PLCH1: variants seen among roughly 807,000 people sequenced by gnomAD.
PLCH1 encodes the protein phospholipase C eta 1.
PLCH1 carries 60 observed loss-of-function variants against 126.7 expected under a neutral mutation model. The ratio of observed to expected loss-of-function variants is 0.47; its 90% CI spans 0.38 to 0.59. The LOEUF is 0.59. PLCH1 is among the 20% of genes least tolerant of loss of function. The pLI is 0.00. For missense variants in PLCH1, 1,723 were observed against 2,040.0 expected (o/e 0.84, Z 2.99); for synonymous variants, 719 against 734.9 (o/e 0.98, Z 0.35).
In PLCH1 at chr3:155,549,947, A is replaced by G. The variant is rs753071798; in HGVS notation, c.1202T>C (p.Ile401Thr). 2.5e-5 allele frequency: 40 copies of G among 1,613,490 alleles called. No individual in the cohort carries two copies. Among genetic ancestry groups the G allele is most frequent in the African/African-American group, 8.0e-5 (6 of 74,922 alleles). ...HAFVKNEFPV[I>T]LSIENHCSIQ... Reference sequence around the variant, plus strand: ...ACTGCAGTGATTCTCGATAGACAATATAACAGGAAACCTGAGAAAAGAGCA... The same window carrying G: ...ACTGCAGTGATTCTCGATAGACAATGTAACAGGAAACCTGAGAAAAGAGCA... Residue 401 changes from isoleucine to threonine, a missense_variant, in exon 10 of 23, where the codon ATA becomes ACA. Around this residue, in one of 2 missense-constraint regions of PLCH1, gnomAD observed 776 missense variants for 1,062.9 expected, o/e 0.73. Coordinates refer to ENST00000460012, the MANE Select transcript of PLCH1 (RefSeq NM_014996.4).
At chr3:155,606,831 A>G (rs925038614) in intron 2 of PLCH1, among the ~76,000 whole-genome samples, 2 of 152,200 alleles carry the variant, frequency 1.3e-5, no homozygotes, top group African/African-American at 4.8e-5. Flanking sequence ...CCCAACTTTT[A>G]GAGAACCTAG....
chr3:155,713,578 A>C (rs184980357), intron 1 of PLCH1, among the ~76,000 whole-genome samples: 1 of 152,328 alleles, frequency 6.6e-6, no homozygotes, highest in East Asian at 1.9e-4. Context: ...CAGAAATTAA[A>C]ATGTAATGCA....
chr3:155,737,172 C>T (rs1749253464), intron 1 of PLCH1, among the ~76,000 whole-genome samples: 1 of 128,468 alleles, frequency 7.8e-6, no homozygotes, highest in Non-Finnish European at 1.6e-5. Context: ...GCGGAGGTTG[C>T]AGTGAGCCGA....
intron 2 of PLCH1, among the ~76,000 whole-genome samples, chr3:155,697,173 A>C (rs887248108): frequency 6.6e-6 from 1 of 152,208 alleles, no homozygotes; most frequent in Non-Finnish European, 1.5e-5. Context: ...ATTTTTATAC[A>C]TACAGATCAT....
intron 8 of PLCH1, among the ~76,000 whole-genome samples, chr3:155,555,584 G>A (rs979684953): frequency 6.6e-6 from 1 of 152,206 alleles, no homozygotes; most frequent in African/African-American, 2.4e-5. Flanking sequence ...AAAGGACAAT[G>A]TTGCCTTAAT....
intron 21 of PLCH1, among the ~76,000 whole-genome samples, chr3:155,460,780 GAT>G (rs1480190020): frequency 1.8e-4 from 26 of 146,652 alleles, no homozygotes; most frequent in East Asian, 1.0e-3. Flanking sequence ...TAGATAGATA[GAT>G]ATAGAAGATA....
intron 1 of PLCH1, among the ~76,000 whole-genome samples, chr3:155,736,404 T>G (rs2109198555): frequency 6.6e-6 from 1 of 152,362 alleles, no homozygotes; most frequent in African/African-American, 2.4e-5. Context: ...GACATTCACA[T>G]TCAGACAAGG....
rs527916150 is a variant in PLCH1 at position 155,576,218 on chromosome 3, G to A, written c.771+7254C>T. The stretch of plus-strand genomic sequence containing the variant: ...TTTGGCAAATATGAGGTTGGGGTGG[G>A]TGGGGAATGAAACAAAGCAAAACAA... On this transcript the variant is annotated intron_variant, in intron 6 of 22. Transcript: ENST00000460012. Among the ~76,000 whole-genome samples the A allele has an allele frequency of 1.6e-4, 24 of 152,234 alleles. No homozygotes were observed. The East Asian group carries it at 4.6e-3, about 29-fold the overall frequency.
At chr3:155,582,667 T>G (rs147122413) in intron 6 of PLCH1, among the ~76,000 whole-genome samples, 2,623 of 152,236 alleles carry the variant, frequency 0.017, 39 homozygotes, top group Middle Eastern at 0.041. Flanking sequence ...CTCTTTATAT[T>G]AAGACGATTG....
Position 155,514,805 on chromosome 3 carries a change from C to G in PLCH1, c.1550G>C (p.Arg517Pro). Residue 517 changes from arginine (R) to proline (P), a missense_variant, in exon 12 of 23, where the codon CGA (arginine) becomes CCA (proline). By Grantham distance (103) the Arg-to-Pro change is moderately radical. This residue lies in a region of PLCH1 where 776 missense variants were observed against 1,062.9 expected (regional missense o/e 0.73). Coordinates refer to ENST00000460012, the MANE Select transcript of PLCH1 (RefSeq NM_014996.4). ...LESLLKESQI[R>P]DKEDPDSFTV... is the part of the protein sequence containing the mutation. ...GAAACTATCAGGATCTTCTTTATCT[C>G]GAATTTGAGATTCTTTTAACAGTGA... The G allele has an allele frequency of 3.7e-6, 6 of 1,613,114 alleles. No individual in the cohort carries two copies. Among genetic ancestry groups the G allele is most frequent in the Non-Finnish European group, 5.1e-6 (6 of 1,179,246 alleles).
chr3:155,592,488 C>CCTT (rs1732329087), intron 4 of PLCH1, among the ~76,000 whole-genome samples: 1 of 78,244 alleles, frequency 1.3e-5, no homozygotes, highest in Non-Finnish European at 3.6e-5. Flanking sequence ...GAGCAAGACT[C>CCTT]CATCTCCAAA....
intron 8 of PLCH1, among the ~76,000 whole-genome samples, chr3:155,555,345 A>G (rs1726690176): frequency 6.6e-6 from 1 of 152,152 alleles, no homozygotes; most frequent in Non-Finnish European, 1.5e-5. Context: ...AAGTATGTGC[A>G]CCACTTCCAG....
intron 4 of PLCH1, among the ~76,000 whole-genome samples, chr3:155,587,588 G>C (rs760756627): frequency 2.0e-5 from 3 of 152,230 alleles, no homozygotes; most frequent in Non-Finnish European, 4.4e-5. Context: ...TCACGGGCAG[G>C]TAATGTGAAG....
intron 2 of PLCH1, among the ~76,000 whole-genome samples, chr3:155,667,902 T>TAAAAAAAAAAA (rs766010793): frequency 1.9e-4 from 18 of 95,114 alleles, no homozygotes; most frequent in Middle Eastern, 6.6e-3. Context: ...CCATCTCTAC[T>TAAAAAAAAAAA]TAAAAAAAAA....
At chr3:155,567,479 G>A (rs1728674033) in intron 7 of PLCH1, among the ~76,000 whole-genome samples, 1 of 152,188 alleles carries the variant, frequency 6.6e-6, no homozygotes, top group African/African-American at 2.4e-5. Context: ...GGGAGCAGAA[G>A]AAATGAGGGG....
chr3:155,695,190 A>G (rs1745704208), intron 2 of PLCH1, among the ~76,000 whole-genome samples: 1 of 152,236 alleles, frequency 6.6e-6, no homozygotes. Flanking sequence ...TGGAAAGTCT[A>G]CAATGAACTC....
intron 2 of PLCH1, among the ~76,000 whole-genome samples, chr3:155,699,720 C>G (rs552406549): frequency 3.9e-4 from 59 of 152,094 alleles, no homozygotes; most frequent in African/African-American, 4.8e-5. Context: ...TGAGGGAGAG[C>G]TTTTCACTCT....
At chr3:155,532,000 T>C (rs1003918443) in intron 10 of PLCH1, among the ~76,000 whole-genome samples, 6 of 152,264 alleles carry the variant, frequency 3.9e-5, no homozygotes, top group Non-Finnish European at 7.3e-5. Flanking sequence ...GTAGCACTTT[T>C]AATTTTCTTC....
chr3:155,629,251 T>C (rs9823723), intron 2 of PLCH1, among the ~76,000 whole-genome samples: 28,776 of 152,084 alleles, frequency 0.19, 3,495 homozygotes, highest in African/African-American at 0.34. Context: ...TTCTCAGTTA[T>C]CTGAAATTCT....
Sources: gnomAD v4.1 joint callset for allele counts (sites outside exome capture counted in the v4.1 genomes callset) on GRCh38, gnomAD v4.1.1 for gene constraint, gnomAD v4.1.1 regional missense constraint, MANE v1.5 for transcripts, NCBI Gene and HGNC (gene_info 2026-07-23, HGNC 2026-07-21) for gene names.